Variants in GALNT14 observed in about 807,000 individuals in gnomAD.
The protein encoded by GALNT14 is UDP-GalNAc:polypeptide N-acetylgalactosaminyltransferase 14.
In GALNT14, 60 loss-of-function variants were observed where a neutral mutation model predicts 77.5. That is an observed-to-expected ratio of 0.77 (90% CI 0.63 to 0.96). GALNT14 has a LOEUF of 0.96. GALNT14 is among the 40% of genes least tolerant of loss of function. The pLI is 0.00. For missense variants in GALNT14, 710 were observed against 731.0 expected, an observed-to-expected ratio of 0.97 and a Z score of 0.33; for synonymous variants, 280 against 281.7, an observed-to-expected ratio of 0.99 and a Z score of 0.06.
At chr2:30,982,242 G>C (rs1573087195) in intron 2 of GALNT14, among the ~76,000 whole-genome samples, 2 of 152,162 alleles carry the variant, frequency 1.3e-5, no homozygotes, top group East Asian at 3.9e-4. Flanking sequence ...TGATAATGAG[G>C]ACTTGGTGCA....
chr2:31,092,034 T>C (rs1393201132), intron 1 of GALNT14, among the ~76,000 whole-genome samples: 1 of 152,152 alleles, frequency 6.6e-6, no homozygotes, highest in Non-Finnish European at 1.5e-5. Flanking sequence ...CTTCCTGCCC[T>C]CAAACATCAG....
chr2:30,937,760 T>C (rs1464067985), intron 9 of GALNT14, among the ~76,000 whole-genome samples: 1 of 152,156 alleles, frequency 6.6e-6, no homozygotes, highest in Non-Finnish European at 1.5e-5. Flanking sequence ...CCGAAACGCA[T>C]CTGGGAAATC....
At chr2:31,135,518 C>T (rs1321690125) in intron 1 of GALNT14, among the ~76,000 whole-genome samples, 4 of 144,714 alleles carry the variant, frequency 2.8e-5, no homozygotes, top group Non-Finnish European at 6.1e-5. Flanking sequence ...AAAATACTAA[C>T]AAAAAAAAAA....
chr2:30,973,570 G>C (rs148070558), intron 2 of GALNT14, among the ~76,000 whole-genome samples: 1 of 152,152 alleles, frequency 6.6e-6, no homozygotes, highest in Admixed American at 6.5e-5. Flanking sequence ...ATAAAATGCC[G>C]AATCTGTGGC....
the GALNT14 span, among the ~76,000 whole-genome samples, chr2:30,904,747 C>G: frequency 3.9e-5 from 6 of 152,384 alleles, no homozygotes; most frequent in African/African-American, 1.4e-4. Context: ...TAGGCTCCAC[C>G]TCTGGGAGCA....
intron 1 of GALNT14, among the ~76,000 whole-genome samples, chr2:31,057,310 TATATATAA>T (rs1397830003): frequency 9.7e-5 from 14 of 144,842 alleles, no homozygotes; most frequent in African/African-American, 3.3e-4. Flanking sequence ...TATATATATA[TATATATAA>T]AATTATATAT....
chr2:31,080,837 C>T (rs945419580), intron 1 of GALNT14, among the ~76,000 whole-genome samples: 1 of 152,148 alleles, frequency 6.6e-6, no homozygotes, highest in Middle Eastern at 3.2e-3. Context: ...CCTAGGAATA[C>T]AAAACTGGAA....
At position 31,048,595 on chromosome 2, in the gene GALNT14, C is replaced by T. The variant is rs6734168; in HGVS notation, c.130-55588G>A. Reference sequence around the variant, plus strand: ...GGCCCTGGGACTGCCTCCCCACCCCCACTCCTGCCTCCCCTGCCTCCCCTG... The same window carrying T: ...GGCCCTGGGACTGCCTCCCCACCCCTACTCCTGCCTCCCCTGCCTCCCCTG... On this transcript the variant is annotated intron_variant, in intron 1 of 14. Transcript: ENST00000349752. 8.0e-5 allele frequency among the ~76,000 whole-genome samples: 11 copies of T among 137,398 alleles called. 1 individual carries two copies. The highest frequency in any genetic ancestry group is 2.7e-4 in the African/African-American group (10 of 36,618). 90.1% of individuals were successfully genotyped at this position (137,398 alleles called of 152,430 possible).
chr2:31,039,510 G>A (rs964799211), intron 1 of GALNT14, among the ~76,000 whole-genome samples: 5 of 152,168 alleles, frequency 3.3e-5, no homozygotes, highest in Non-Finnish European at 4.4e-5. Context: ...ACACATATTC[G>A]TCTATTTCCC....
At chr2:30,963,474 G>A (rs893637928) in intron 3 of GALNT14, among the ~76,000 whole-genome samples, 13 of 152,134 alleles carry the variant, frequency 8.5e-5, no homozygotes, top group Non-Finnish European at 1.6e-4. Flanking sequence ...GTGGAGGAGC[G>A]GCAGGAAGAG....
chr2:31,036,274 T>C (rs948857000), intron 1 of GALNT14, among the ~76,000 whole-genome samples: 2 of 152,054 alleles, frequency 1.3e-5, no homozygotes, highest in African/African-American at 2.4e-5. Flanking sequence ...TTTTGTTCCC[T>C]TGTTGCTATT....
At chr2:30,917,826 A>T (rs978190362) in intron 13 of GALNT14, among the ~76,000 whole-genome samples, 2 of 152,222 alleles carry the variant, frequency 1.3e-5, no homozygotes, top group African/African-American at 2.4e-5. Flanking sequence ...TGAGCCAAGT[A>T]TCCAGGGCCT....
At chr2:30,893,258 A>G in the GALNT14 span, among the ~76,000 whole-genome samples, 1 of 152,194 alleles carries the variant, frequency 6.6e-6, no homozygotes. Flanking sequence ...GAGCCTCCTG[A>G]GTGAAGGCTC....
At chr2:30,891,400 T>TG in the GALNT14 span, among the ~76,000 whole-genome samples, 34 of 152,076 alleles carry the variant, frequency 2.2e-4, no homozygotes, top group Non-Finnish European at 4.0e-4. Context: ...TACTAACAGG[T>TG]GGGGGGTCTT....
chr2:30,932,097 G>A lies in GALNT14; in HGVS notation c.1029C>T (p.Phe343=). 6.3e-7 allele frequency: 1 copy of A among 1,575,518 alleles called. No individual in the cohort carries two copies. Among genetic ancestry groups the A allele is most frequent in the Non-Finnish European group, 8.6e-7 (1 of 1,160,266 alleles). ...HVFRKKHPYV[F]PDGNANTYIK... is the part of the protein sequence containing the mutation. ...TATACGTGTTGGCATTTCCATCAGG[G>A]AAAACGTAGGGGTGCTTCTTCCGGA... Residue 343 remains phenylalanine, a synonymous_variant, in exon 10 of 15, where the codon TTC becomes TTT. Coordinates refer to ENST00000349752, the MANE Select transcript of GALNT14 (RefSeq NM_024572.4).
Position 30,920,630 on chromosome 2 carries a change from TACACAC to T in GALNT14, c.1380+3483_1380+3488del, listed in dbSNP as rs140659655. ...AAGTCAGTCCTATGAGAGTGTATGC[TACACAC>T]ACACACACACACACACACACACACA... is the stretch of plus-strand genomic sequence containing the variant. On this transcript the variant is annotated intron_variant, in intron 13 of 14. Coordinates refer to ENST00000349752, the MANE Select transcript of GALNT14 (RefSeq NM_024572.4). 2.6e-3 allele frequency among the ~76,000 whole-genome samples: 371 copies of T among 145,190 alleles called. 1 individual carries two copies. Among genetic ancestry groups the T allele is most frequent in the Non-Finnish European group, 3.9e-3 (254 of 65,604 alleles).
At chr2:31,036,066 C>T (rs563347131) in intron 1 of GALNT14, among the ~76,000 whole-genome samples, 9 of 152,186 alleles carry the variant, frequency 5.9e-5, no homozygotes, top group Admixed American at 2.6e-4. Context: ...ATAGTTAGAT[C>T]TTATTTTTCA....
chr2:30,981,753 G>A (rs920227482), intron 2 of GALNT14, among the ~76,000 whole-genome samples: 5 of 152,108 alleles, frequency 3.3e-5, no homozygotes, highest in South Asian at 2.1e-4. Context: ...TGCTTTTACC[G>A]GCAGAAGTAT....
the GALNT14 span, among the ~76,000 whole-genome samples, chr2:30,904,571 G>A: frequency 6.6e-6 from 1 of 152,244 alleles, no homozygotes; most frequent in South Asian, 2.1e-4. Context: ...TGCCCACGGA[G>A]TCTCGCTGAC....
Sources: gnomAD v4.1 joint callset for allele counts (sites outside exome capture counted in the v4.1 genomes callset) on GRCh38, gnomAD v4.1.1 for gene constraint, MANE v1.5 for transcripts, NCBI Gene and HGNC (gene_info 2026-07-23, HGNC 2026-07-21) for gene names.